RAB3GAP2: variants seen among roughly 807,000 people sequenced by gnomAD.
The protein encoded by RAB3GAP2 is RAB3 GTPase activating non-catalytic protein subunit 2.
Under a neutral mutation model 185.3 loss-of-function variants are expected in RAB3GAP2, and 87 were observed. That is an observed-to-expected ratio of 0.47 (90% CI 0.39 to 0.56). The LOEUF is 0.56. RAB3GAP2 is among the 20% of genes least tolerant of loss of function. The pLI, the probability that RAB3GAP2 is intolerant of heterozygous loss-of-function variation, is 0.00. For synonymous variants in RAB3GAP2, 554 were observed against 576.1 expected (o/e 0.96, Z 0.55); for missense variants, 1,492 against 1,638.2 (o/e 0.91, Z 1.54).
In RAB3GAP2 at chr1:220,171,738, C is replaced by A. The variant is rs1047584222; in HGVS notation, c.2577+151G>T. Reference sequence around the variant, plus strand: ...TGTGACAACTGCTAAATTCAAGTATCCACGGCATCATTCTCAATAAAGAAA... The same window carrying A: ...TGTGACAACTGCTAAATTCAAGTATACACGGCATCATTCTCAATAAAGAAA... On this transcript the variant is annotated intron_variant, in intron 23 of 34. Coordinates refer to ENST00000358951, the MANE Select transcript of RAB3GAP2 (RefSeq NM_012414.4). 1.1e-5 allele frequency: 9 copies of A among 813,860 alleles called. No individual in the cohort carries two copies. In the Admixed American group the frequency reaches 1.2e-4, roughly 11 times the overall value. The allele number at this position is 813,860 out of a possible 1,614,324, so 50.4% of individuals were successfully genotyped here. A position where few individuals can be genotyped will look rare whatever the true frequency, so the allele number is the denominator to read the frequency against.
At chr1:220,156,749 T>C (rs1161525076) in intron 31 of RAB3GAP2, among the ~76,000 whole-genome samples, 5 of 152,120 alleles carry the variant, frequency 3.3e-5, no homozygotes, top group Non-Finnish European at 4.4e-5. Flanking sequence ...ATGAAGAAAA[T>C]TGGCTTGAAG....
At chr1:220,154,317 A>G (rs1558137687) in intron 31 of RAB3GAP2, 2 of 404,754 alleles carry the variant, frequency 4.9e-6, no homozygotes, top group Non-Finnish European at 8.9e-6. Flanking sequence ...ACTTGCTTCT[A>G]GCAACAGAAG....
intron 2 of RAB3GAP2, among the ~76,000 whole-genome samples, chr1:220,225,886 C>T (rs1033758885): frequency 6.6e-6 from 1 of 152,136 alleles, no homozygotes; most frequent in Non-Finnish European, 1.5e-5. Flanking sequence ...AAACATTTTC[C>T]AGTATCATCC....
chr1:220,264,453 T>C (rs192933282), intron 1 of RAB3GAP2, among the ~76,000 whole-genome samples: 3 of 152,086 alleles, frequency 2.0e-5, no homozygotes, highest in Admixed American at 6.5e-5. Context: ...GTGTCAGAGA[T>C]AAAGTGGGAG....
At chr1:220,154,387 C>T (rs566567555) in intron 31 of RAB3GAP2, 1 of 276,388 alleles carries the variant, frequency 3.6e-6, no homozygotes, top group South Asian at 4.1e-5. Context: ...CTTCTTCTGC[C>T]TTGAGGCACT....
chr1:220,245,315 C>T (rs529655560), intron 1 of RAB3GAP2, among the ~76,000 whole-genome samples: 5,141 of 152,184 alleles, frequency 0.034, 206 homozygotes, highest in East Asian at 0.2. Context: ...GTGCGCGCAC[C>T]ATGCGCGAGC....
At chr1:220,206,258 A>G (rs1213658409) in intron 7 of RAB3GAP2, among the ~76,000 whole-genome samples, 1 of 152,214 alleles carries the variant, frequency 6.6e-6, no homozygotes, top group African/African-American at 2.4e-5. Context: ...TAAATAAAGA[A>G]TTACAATTTC....
Position 220,158,646 on chromosome 1 carries a change from G to A in RAB3GAP2, c.3261+740C>T, listed in dbSNP as rs1657903465. Among the ~76,000 whole-genome samples the A allele has an allele frequency of 6.6e-6, 1 of 152,026 alleles. No individual in the cohort carries two copies. The highest frequency in any genetic ancestry group is 2.4e-5 in the African/African-American group (1 of 41,404). On this transcript the variant is annotated intron_variant, in intron 29 of 34. Coordinates refer to ENST00000358951, the MANE Select transcript of RAB3GAP2 (RefSeq NM_012414.4). The surrounding 1 kb of genome is among the most constrained non-coding windows in gnomAD (Gnocchi z 4.3). The stretch of plus-strand genomic sequence containing the variant: ...AGTAGAGATGGGGTTTCACCTTGTT[G>A]GTCAGGCTGGTCTCAAACTCCTGAC...
chr1:220,187,503 G>A (rs1485514367), intron 17 of RAB3GAP2, among the ~76,000 whole-genome samples: 1 of 152,178 alleles, frequency 6.6e-6, no homozygotes, highest in Non-Finnish European at 1.5e-5. Context: ...ATGTATTTGA[G>A]GATTGAAACT....
At chr1:220,186,563 A>C (rs562437311) in intron 17 of RAB3GAP2, among the ~76,000 whole-genome samples, 1 of 152,302 alleles carries the variant, frequency 6.6e-6, no homozygotes, top group Non-Finnish European at 1.5e-5. Context: ...CAGGACAAGC[A>C]TAACCTGCTC....
chr1:220,179,886 G>A (rs990698236), intron 21 of RAB3GAP2, among the ~76,000 whole-genome samples: 1 of 152,208 alleles, frequency 6.6e-6, no homozygotes, highest in Admixed American at 6.5e-5. Context: ...GAAGTCGGCC[G>A]GGTGCGGTGG....
intron 9 of RAB3GAP2, among the ~76,000 whole-genome samples, chr1:220,197,412 ATTCT>A (rs1204717197): frequency 1.3e-5 from 2 of 152,194 alleles, no homozygotes; most frequent in Admixed American, 6.5e-5. Flanking sequence ...AGGAAAGGAA[ATTCT>A]TTGAGTGAGT....
intron 24 of RAB3GAP2, among the ~76,000 whole-genome samples, chr1:220,170,216 A>T (rs1658147592): frequency 6.6e-6 from 1 of 152,204 alleles, no homozygotes; most frequent in East Asian, 1.9e-4. Context: ...GGAGTTGAAA[A>T]TGAGAACACA....
intron 21 of RAB3GAP2, among the ~76,000 whole-genome samples, chr1:220,174,622 A>C (rs1245085409): frequency 6.6e-6 from 1 of 152,096 alleles, no homozygotes; most frequent in African/African-American, 2.4e-5. Flanking sequence ...AGAAGGTCTT[A>C]TTCTATTTTT....
chr1:220,196,362 G>T lies in RAB3GAP2; in HGVS notation c.848C>A (p.Thr283Asn). 1 of 1,604,830 alleles carries T rather than the reference G, an allele frequency of 6.2e-7. No homozygotes were observed. The highest frequency in any genetic ancestry group is 8.5e-7 in the Non-Finnish European group (1 of 1,172,202). ...ATTAAATCCACCTATATTGGAGGCA[G>T]TCTTCATTTGATCAAAGGGGGACAG... ...MTLSPFDQMK[T>N]ASNIGGFNAA... The change falls in exon 10 of 35, where the codon ACT (threonine) becomes AAT (asparagine). Residue 283 changes from threonine (T) to asparagine (N), a missense_variant. By Grantham distance (65) the Thr-to-Asn change is moderately conservative. This residue lies in a region of RAB3GAP2 where 243 missense variants were observed against 314.8 expected (regional missense o/e 0.77). Transcript: ENST00000358951.
Position 220,153,594 on chromosome 1 carries a change from ATATTAT to A in RAB3GAP2, c.3646-194_3646-189del, listed in dbSNP as rs751933206. ...ATACTTTGAAATTGGTCTTTTTTAA[ATATTAT>A]TATTATTTTTTATTATTATACTTTA... is the stretch of plus-strand genomic sequence containing the variant. On this transcript the variant is annotated intron_variant, in intron 32 of 34. Coordinates refer to ENST00000358951, the MANE Select transcript of RAB3GAP2 (RefSeq NM_012414.4). 7 of 409,966 alleles carry A rather than the reference ATATTAT, an allele frequency of 1.7e-5. 1 individual carries two copies. Among genetic ancestry groups the A allele is most frequent in the East Asian group, 1.3e-4 (3 of 23,460 alleles). 25.4% of individuals were successfully genotyped at this position (409,966 alleles called of 1,614,324 possible). A position where few individuals can be genotyped will look rare whatever the true frequency, so the allele number is the denominator to read the frequency against.
At chr1:220,170,855 AAAATGGATGC>A (rs750201302) in intron 24 of RAB3GAP2, 27 bp downstream of exon 24, 15 of 1,537,160 alleles carry the variant, frequency 9.8e-6, no homozygotes, top group Non-Finnish European at 1.4e-5. Flanking sequence ...GTAACATAAA[AAAATGGATGC>A]AAATGCTCAA....
In RAB3GAP2 at chr1:220,150,602, T is replaced by C. The variant is rs1167558977; in HGVS notation, c.*649A>G. ...CATTTTACACATCTCTGATTCTCAATTTTGGCAAGTACAACAGGTTAAGGG... is the reference window on the plus strand; with the variant it reads ...CATTTTACACATCTCTGATTCTCAACTTTGGCAAGTACAACAGGTTAAGGG... On this transcript the variant is annotated 3_prime_UTR_variant, in exon 35 of 35. Transcript: ENST00000358951. 1 of 152,654 alleles carries C rather than the reference T, an allele frequency of 6.6e-6. No individual in the cohort carries two copies. Among genetic ancestry groups the C allele is most frequent in the African/African-American group, 2.4e-5 (1 of 41,440 alleles). The allele number at this position is 152,654 out of a possible 1,614,324, so 9.5% of individuals were successfully genotyped here. A position where few individuals can be genotyped will look rare whatever the true frequency, so the allele number is the denominator to read the frequency against.
At chr1:220,221,072 G>A (rs760286559) in intron 2 of RAB3GAP2, among the ~76,000 whole-genome samples, 1 of 152,090 alleles carries the variant, frequency 6.6e-6, no homozygotes, top group Non-Finnish European at 1.5e-5. Context: ...TACCACAACC[G>A]CTTCTCACAG....
Sources: gnomAD v4.1 joint callset for allele counts (sites outside exome capture counted in the v4.1 genomes callset) on GRCh38, gnomAD v4.1.1 for gene constraint, gnomAD v4.1.1 regional missense constraint, Gnocchi (gnomAD v3.1) non-coding constraint, MANE v1.5 for transcripts, NCBI Gene and HGNC (gene_info 2026-07-23, HGNC 2026-07-21) for gene names.